Variants in FGF14 observed in about 807,000 individuals in gnomAD.
FGF14 encodes the protein fibroblast growth factor 14, also known as fibroblast growth factor homologous factor 4.
FGF14 carries 5 observed loss-of-function variants against 25.5 expected under a neutral mutation model. The observed-to-expected ratio is 0.20, with a 90% CI of 0.10 to 0.41. The LOEUF (loss-of-function observed/expected upper bound fraction) is 0.41, where lower values mean the gene tolerates loss of function less well. Among genes scored for constraint, FGF14 ranks in the 10% least tolerant of loss-of-function variants. The pLI, the probability that FGF14 is intolerant of heterozygous loss-of-function variation, is 1.00. For missense variants in FGF14, 222 were observed against 320.1 expected, an observed-to-expected ratio of 0.69 and a Z score of 2.34; for synonymous variants, 138 against 118.3, an observed-to-expected ratio of 1.17 and a Z score of -1.08.
chr13:101,980,915 C>T (rs1381583457), intron 1 of FGF14, among the ~76,000 whole-genome samples: 1 of 152,080 alleles, frequency 6.6e-6, no homozygotes, highest in South Asian at 2.1e-4. Context: ...GAGGTGATTC[C>T]ACCCTCCTCA....
At chr13:102,160,430 A>T (rs1295066052) in intron 1 of FGF14, among the ~76,000 whole-genome samples, 1 of 152,172 alleles carries the variant, frequency 6.6e-6, no homozygotes, top group Non-Finnish European at 1.5e-5. Flanking sequence ...TGCTACGTCC[A>T]CTACTGTGTC....
At chr13:102,274,509 A>T (rs761464734) in intron 1 of FGF14, among the ~76,000 whole-genome samples, 51 of 152,206 alleles carry the variant, frequency 3.4e-4, no homozygotes, top group Non-Finnish European at 6.8e-4. Context: ...TTGGATTTTG[A>T]ATGCTGTGTC....
At chr13:101,941,913 G>A (rs77684207) in intron 1 of FGF14, among the ~76,000 whole-genome samples, 275 of 152,070 alleles carry the variant, frequency 1.8e-3, no homozygotes, top group African/African-American at 6.4e-3. Context: ...TTTGCTTATT[G>A]GGTAGCATTA....
At chr13:101,906,443 CAA>C (rs890395305) in intron 1 of FGF14, among the ~76,000 whole-genome samples, 2 of 152,008 alleles carry the variant, frequency 1.3e-5, no homozygotes, top group Non-Finnish European at 2.9e-5. Flanking sequence ...TACAGAAATT[CAA>C]AGAGATAAAA....
At chr13:102,328,603 G>A (rs1487693533) in intron 1 of FGF14, among the ~76,000 whole-genome samples, 1 of 152,212 alleles carries the variant, frequency 6.6e-6, no homozygotes, top group Non-Finnish European at 1.5e-5. Flanking sequence ...TAAAGCTCTA[G>A]AGCACTGCCT....
At chr13:102,147,345 G>A (rs1048132846) in intron 1 of FGF14, among the ~76,000 whole-genome samples, 4 of 152,138 alleles carry the variant, frequency 2.6e-5, no homozygotes, top group South Asian at 2.1e-4. Context: ...GGCTTGTTAC[G>A]AAGGCAGTCC....
At chr13:102,210,825 A>G (rs2050126865) in intron 1 of FGF14, among the ~76,000 whole-genome samples, 1 of 152,204 alleles carries the variant, frequency 6.6e-6, no homozygotes, top group Admixed American at 6.5e-5. Context: ...AAGGTAGAGA[A>G]AAATCCAACT....
At chr13:101,917,794 C>T (rs117936103), upstream of FGF14, among the ~76,000 whole-genome samples, 844 of 152,214 alleles carry the variant, frequency 5.5e-3, 4 homozygotes, top group Non-Finnish European at 8.2e-3. Context: ...TGTGATTAAG[C>T]GAGATAGAAA....
chr13:101,772,715 T>G (rs1381328487), intron 3 of FGF14, among the ~76,000 whole-genome samples: 1 of 152,122 alleles, frequency 6.6e-6, no homozygotes, highest in Non-Finnish European at 1.5e-5. Context: ...CCACAAATTC[T>G]TCAAGTTCAA....
chr13:101,945,910 T>C (rs545372788), intron 1 of FGF14, among the ~76,000 whole-genome samples: 80 of 152,318 alleles, frequency 5.3e-4, no homozygotes, highest in African/African-American at 1.9e-3. Flanking sequence ...CATTCTCTTA[T>C]TTATAGACTG....
chr13:101,979,655 T>C (rs1244347012), intron 1 of FGF14, among the ~76,000 whole-genome samples: 5 of 152,136 alleles, frequency 3.3e-5, no homozygotes, highest in Admixed American at 3.3e-4. Flanking sequence ...AGAAAGAAGG[T>C]ATTTTAAAAT....
chr13:102,196,182 G>C (rs995460263), intron 1 of FGF14, among the ~76,000 whole-genome samples: 3 of 152,182 alleles, frequency 2.0e-5, no homozygotes, highest in Admixed American at 6.5e-5. Context: ...ATTTACAGCC[G>C]TGACAATCGT....
intron 1 of FGF14, among the ~76,000 whole-genome samples, chr13:102,066,068 G>T (rs752783804): frequency 1.8e-4 from 28 of 152,028 alleles, no homozygotes; most frequent in Non-Finnish European, 2.5e-4. Flanking sequence ...AGTTAAGAAT[G>T]TCAGCACAAA....
chr13:102,141,975 T>C (rs2046661592), intron 1 of FGF14, among the ~76,000 whole-genome samples: 2 of 152,170 alleles, frequency 1.3e-5, no homozygotes, highest in Admixed American at 6.5e-5. Context: ...TACCATTTTG[T>C]TCTCTTCCCT....
At chr13:101,756,709 G>C (rs942394010) in intron 3 of FGF14, among the ~76,000 whole-genome samples, 3 of 152,006 alleles carry the variant, frequency 2.0e-5, no homozygotes, top group Admixed American at 6.6e-5. Flanking sequence ...CTCCAGCCTG[G>C]GTGACAGAGC....
At chr13:101,819,286 G>T (rs1166182784) in intron 3 of FGF14, among the ~76,000 whole-genome samples, 1 of 152,132 alleles carries the variant, frequency 6.6e-6, no homozygotes, top group Non-Finnish European at 1.5e-5. Context: ...GAGAAAAACA[G>T]CCAAGATTAT....
chr13:101,942,380 GA>G (rs1473074543), intron 1 of FGF14, among the ~76,000 whole-genome samples: 1 of 151,434 alleles, frequency 6.6e-6, no homozygotes, highest in Non-Finnish European at 1.5e-5. Context: ...ATAAATTCTA[GA>G]AAAAAAATAC....
chr13:102,349,527 A>C (rs76321187), intron 1 of FGF14, among the ~76,000 whole-genome samples: 1,867 of 152,342 alleles, frequency 0.012, 38 homozygotes, highest in African/African-American at 0.041. Context: ...TTGAACAAGC[A>C]TATTAAGAGA....
intron 1 of FGF14, among the ~76,000 whole-genome samples, chr13:101,970,300 A>T (rs1245987759): frequency 6.6e-6 from 1 of 152,256 alleles, no homozygotes; most frequent in East Asian, 1.9e-4. Context: ...TATGGGTTTA[A>T]AATTAATTGC....
Sources: allele counts gnomAD v4.1 joint callset (sites outside exome capture counted in the v4.1 genomes callset), GRCh38; gene constraint gnomAD v4.1.1; transcripts MANE v1.5; gene names NCBI Gene and HGNC (gene_info 2026-07-23, HGNC 2026-07-21).